Variants in MAGI3 observed in about 807,000 individuals in gnomAD.
The protein encoded by MAGI3 is membrane-associated guanylate kinase, WW and PDZ domain-containing protein 3.
MAGI3 carries 43 observed loss-of-function variants against 121.8 expected under a neutral mutation model. The ratio of observed to expected loss-of-function variants is 0.35; its 90% CI spans 0.28 to 0.46. MAGI3 has a LOEUF of 0.46. Among genes scored for constraint, MAGI3 ranks in the 20% least tolerant of loss-of-function variants. The pLI is 1.00. For synonymous variants in MAGI3, 553 were observed against 639.3 expected (o/e 0.86, Z 2.04); for missense variants, 1,547 against 1,797.3 (o/e 0.86, Z 2.52).
chr1:113,581,805 A>C (rs1430412736), intron 3 of MAGI3, among the ~76,000 whole-genome samples: 5 of 152,134 alleles, frequency 3.3e-5, no homozygotes, highest in Non-Finnish European at 2.9e-5. Context: ...TGACTCATTC[A>C]TTTGTTCATT....
At chr1:113,527,650 A>G (rs1331509217) in intron 1 of MAGI3, among the ~76,000 whole-genome samples, 1 of 152,198 alleles carries the variant, frequency 6.6e-6, no homozygotes, top group Non-Finnish European at 1.5e-5. Context: ...TCATTCATCT[A>G]TTGAGGAAAC....
chr1:113,391,076 G>A lies in MAGI3; in HGVS notation c.43G>A (p.Val15Met). ...GAAGAAGAAGCACTGGCTCAGCAAG[G>A]TGCAGGAGTGCGCCGTGTCCTGGGC... ...LKKKKHWLSKVQECAVSWAGP... is the reference protein window; with the variant it reads ...LKKKKHWLSKMQECAVSWAGP... The change falls in exon 1 of 21, where the codon GTG becomes ATG. Residue 15 changes from valine to methionine, a missense_variant. Physicochemically the swap from Val to Met is conservative, Grantham distance 21. Coordinates refer to ENST00000307546, the MANE Select transcript of MAGI3 (RefSeq NM_001142782.2). This position sits in a 1 kb window ranked among gnomAD's most constrained non-coding sequence, Gnocchi z 4.4. The A allele has an allele frequency of 1.3e-6, 2 of 1,591,394 alleles. No homozygotes were observed. Among genetic ancestry groups the A allele is most frequent in the Non-Finnish European group, 8.5e-7 (1 of 1,169,770 alleles).
At chr1:113,447,597 T>C (rs985486173) in intron 1 of MAGI3, among the ~76,000 whole-genome samples, 1 of 152,196 alleles carries the variant, frequency 6.6e-6, no homozygotes, top group African/African-American at 2.4e-5. Flanking sequence ...CTCACGCCTA[T>C]AATCCCAGCA....
intron 1 of MAGI3, among the ~76,000 whole-genome samples, chr1:113,437,622 T>A (rs1410100899): frequency 1.3e-5 from 2 of 152,142 alleles, no homozygotes; most frequent in Admixed American, 6.5e-5. Flanking sequence ...ACATTATTTT[T>A]AAACTATATA....
Position 113,653,884 on chromosome 1 carries a change from C to T in MAGI3, c.2495C>T (p.Ser832Phe). 1.2e-6 allele frequency: 2 copies of T among 1,613,720 alleles called. No individual in the cohort carries two copies. The highest frequency in any genetic ancestry group is 1.7e-6 in the Non-Finnish European group (2 of 1,179,828). The change falls in exon 15 of 21, where the codon TCT becomes TTT. Residue 832 changes from serine to phenylalanine, a missense_variant. Coordinates refer to ENST00000307546, the MANE Select transcript of MAGI3 (RefSeq NM_001142782.2). ...GCCTTCATTTCAACACAGAATGGAT[C>T]TCCCCGCCTGAACCGGGCAGAGGTC... ...SQAFISTQNG[S>F]PRLNRAEVPA... is the part of the protein sequence containing the mutation.
intron 1 of MAGI3, among the ~76,000 whole-genome samples, chr1:113,469,531 G>A (rs1019203603): frequency 2.7e-5 from 4 of 149,532 alleles, no homozygotes; most frequent in Admixed American, 1.3e-4. Flanking sequence ...TTTTCTGTTC[G>A]GCATCAGCTT....
intron 3 of MAGI3, among the ~76,000 whole-genome samples, chr1:113,581,986 A>G (rs1648069804): frequency 6.6e-6 from 1 of 152,046 alleles, no homozygotes; most frequent in Non-Finnish European, 1.5e-5. Flanking sequence ...TAAATGATGA[A>G]GATGCTCTAC....
At chr1:113,623,072 AAG>A in intron 9 of MAGI3, 78 bp downstream of exon 9, 2 of 846,212 alleles carry the variant, frequency 2.4e-6, no homozygotes, top group Non-Finnish European at 3.4e-6. Flanking sequence ...TATATACATA[AAG>A]AGAGAGAAAT....
chr1:113,487,592 G>A (rs1656447844), intron 1 of MAGI3, among the ~76,000 whole-genome samples: 1 of 151,870 alleles, frequency 6.6e-6, no homozygotes, highest in African/African-American at 2.4e-5. Flanking sequence ...ACCAAAAATA[G>A]GGAAATACTT....
chr1:113,623,879 A>G (rs897378381), intron 9 of MAGI3, among the ~76,000 whole-genome samples: 2 of 144,080 alleles, frequency 1.4e-5, no homozygotes, highest in African/African-American at 2.4e-5. Context: ...AGCCTCTGGT[A>G]ATCATCCTTC....
intron 17 of MAGI3, among the ~76,000 whole-genome samples, chr1:113,672,399 T>C (rs941609584): frequency 4.6e-5 from 7 of 152,148 alleles, no homozygotes; most frequent in Admixed American, 1.3e-4. Context: ...CTTAAAAAAA[T>C]TGTGGATGTT....
intron 1 of MAGI3, among the ~76,000 whole-genome samples, chr1:113,445,074 C>T (rs1654104586): frequency 1.3e-5 from 2 of 151,922 alleles, no homozygotes; most frequent in Admixed American, 1.3e-4. Context: ...AGAAAAAATA[C>T]TGAAGAAAAA....
chr1:113,491,237 A>C (rs1216250240), intron 1 of MAGI3, among the ~76,000 whole-genome samples: 1 of 152,212 alleles, frequency 6.6e-6, no homozygotes, highest in African/African-American at 2.4e-5. Flanking sequence ...AGAACCATAC[A>C]ATTACATGGC....
At chr1:113,459,402 T>A (rs1312453318) in intron 1 of MAGI3, among the ~76,000 whole-genome samples, 2 of 152,222 alleles carry the variant, frequency 1.3e-5, no homozygotes, top group African/African-American at 4.8e-5. Flanking sequence ...GATCAATGAA[T>A]ACTACCACAT....
At chr1:113,405,420 C>T (rs1321942871) in intron 1 of MAGI3, among the ~76,000 whole-genome samples, 2 of 127,222 alleles carry the variant, frequency 1.6e-5, no homozygotes, top group African/African-American at 6.2e-5. Flanking sequence ...GTCGAGGCTG[C>T]AGTGAGCCAT....
rs762112637 is a variant in MAGI3 at position 113,651,029 on chromosome 1, A to G, written c.2263A>G (p.Ile755Val). The change falls in exon 14 of 21, where the codon ATT (isoleucine) becomes GTT (valine). Residue 755 changes from isoleucine to valine, a missense_variant. Transcript: ENST00000307546. The stretch of plus-strand genomic sequence containing the variant: ...ATCTTATCAGATATATATTGGGGCT[A>G]TTATTCCCCTGGGAGCAGCTGAGAA... ...GPDQSIYIGA[I>V]IPLGAAEKDG... 11 of 1,613,940 alleles carry G rather than the reference A, an allele frequency of 6.8e-6. No homozygotes were observed. Among genetic ancestry groups the G allele is most frequent in the South Asian group, 2.2e-5 (2 of 91,058 alleles).
rs1381579808 is a variant in MAGI3, at chr1:113,646,620, T to C, written c.2133T>C (p.Ser711=). Reference sequence around the variant, plus strand: ...ATCCTTCTGAGGTCTACCTGAAATCTAAGACTTTATATGAAGATAAACGTA... The same window carrying C: ...ATCCTTCTGAGGTCTACCTGAAATCCAAGACTTTATATGAAGATAAACGTA... ...KLDPSEVYLK[S]KTLYEDKPPN... The change falls in exon 12 of 21, where the codon TCT becomes TCC. Residue 711 remains serine (S), a synonymous_variant. Transcript: ENST00000307546. The C allele has an allele frequency of 6.3e-7, 1 of 1,599,168 alleles. No homozygotes were observed. Among genetic ancestry groups the C allele is most frequent in the African/African-American group, 1.3e-5 (1 of 74,188 alleles).
intron 3 of MAGI3, among the ~76,000 whole-genome samples, chr1:113,584,947 T>C (rs1648261213): frequency 6.8e-6 from 1 of 147,822 alleles, no homozygotes; most frequent in African/African-American, 2.5e-5. Context: ...GGCCTCCTTT[T>C]GGCCAATGGT....
rs188444473 is a variant in MAGI3 at position 113,496,512 on chromosome 1, G to C, written c.317-53003G>C. Among the ~76,000 whole-genome samples the C allele has an allele frequency of 2.6e-5, 4 of 152,298 alleles. No individual in the cohort carries two copies. The East Asian group carries it at 7.7e-4, about 29-fold the overall frequency. On this transcript the variant is annotated intron_variant, in intron 1 of 20. Coordinates refer to ENST00000307546, the MANE Select transcript of MAGI3 (RefSeq NM_001142782.2). ...CTTTCCCACCCTAAGGATCTGCAGA[G>C]TGTCTTAGAATTTCACAAAAGGAGC...
Sources: allele counts gnomAD v4.1 joint callset (sites outside exome capture counted in the v4.1 genomes callset), GRCh38; gene constraint gnomAD v4.1.1; non-coding constraint Gnocchi (gnomAD v3.1); transcripts MANE v1.5; gene names NCBI Gene and HGNC (gene_info 2026-07-23, HGNC 2026-07-21).